Variants in PIP5K1C observed in about 807,000 individuals in gnomAD.
PIP5K1C encodes the protein phosphatidylinositol-4-phosphate 5-kinase type 1 gamma.
In PIP5K1C, 45 loss-of-function variants were observed where a neutral mutation model predicts 80.1. The ratio of observed to expected loss-of-function variants is 0.56; its 90% CI spans 0.44 to 0.72. PIP5K1C has a LOEUF of 0.72. PIP5K1C is among the 30% of genes least tolerant of loss of function. The pLI, the probability that PIP5K1C is intolerant of heterozygous loss-of-function variation, is 0.00. For missense variants in PIP5K1C, 753 were observed against 954.6 expected (o/e 0.79, Z 2.78); for synonymous variants, 498 against 420.1 (o/e 1.19, Z -2.27).
intron 1 of PIP5K1C, among the ~76,000 whole-genome samples, chr19:3,674,869 A>C (rs949243331): frequency 1.3e-5 from 2 of 152,222 alleles, no homozygotes; most frequent in African/African-American, 4.8e-5. Flanking sequence ...TGGACTTCTT[A>C]CATTCAAAGA....
At chr19:3,653,655 C>A (rs2034527879) in intron 6 of PIP5K1C, 66 bp from the exon 7 acceptor site, 2 of 1,461,784 alleles carry the variant, frequency 1.4e-6, no homozygotes, top group South Asian at 1.3e-5. Flanking sequence ...GCGGGCAAAG[C>A]AGGCCTCTGC....
intron 16 of PIP5K1C, chr19:3,636,938 G>A (rs772786920): frequency 6.3e-5 from 64 of 1,010,926 alleles, no homozygotes; most frequent in Non-Finnish European, 7.3e-5. Context: ...GGCGTCCCAG[G>A]GGGACCTCCT....
chr19:3,656,516 C>A lies in PIP5K1C; in HGVS notation c.510G>T (p.Pro170=). ...CGTAGAAGAGGGAGCCACTGGCGCC[C>A]GGGTTGGACAGCTCGATCAGCGGCT... ...CNEPLIELSN[P]GASGSLFYVT... Residue 170 remains proline (P), a synonymous_variant, in exon 6 of 18, where the codon CCG becomes CCT. Transcript: ENST00000335312. 6.2e-7 allele frequency: 1 copy of A among 1,613,866 alleles called. No individual in the cohort carries two copies. The highest frequency in any genetic ancestry group is 8.5e-7 in the Non-Finnish European group (1 of 1,180,022).
At chr19:3,662,791 C>T (rs1354211761) in intron 3 of PIP5K1C, among the ~76,000 whole-genome samples, 1 of 152,062 alleles carries the variant, frequency 6.6e-6, no homozygotes, top group Non-Finnish European at 1.5e-5. Flanking sequence ...GTCTCGAACT[C>T]CTGACCTCAG....
At chr19:3,636,567 C>T in intron 16 of PIP5K1C, 1 of 985,586 alleles carries the variant, frequency 1.0e-6, no homozygotes, top group Middle Eastern at 5.2e-4. Flanking sequence ...GCTCCTCCTC[C>T]CAGCAGGCCC....
intron 2 of PIP5K1C, among the ~76,000 whole-genome samples, chr19:3,666,759 GCA>G (rs899989612): frequency 1.3e-5 from 2 of 150,158 alleles, no homozygotes; most frequent in Non-Finnish European, 3.0e-5. Flanking sequence ...ACACAAACGT[GCA>G]CACACGCACG....
intron 1 of PIP5K1C, among the ~76,000 whole-genome samples, chr19:3,685,187 G>C (rs1600081213): frequency 1.3e-5 from 2 of 152,182 alleles, no homozygotes; most frequent in African/African-American, 4.8e-5. Context: ...TGGGGACTCA[G>C]GGGGTCCTCA....
At chr19:3,675,939 CCT>C (rs1344583703) in intron 1 of PIP5K1C, among the ~76,000 whole-genome samples, 4 of 152,192 alleles carry the variant, frequency 2.6e-5, no homozygotes, top group Admixed American at 6.5e-5. Context: ...TTCAGTAGCC[CCT>C]GAGGTTAAAC....
intron 1 of PIP5K1C, among the ~76,000 whole-genome samples, chr19:3,684,785 C>T (rs548271014): frequency 3.4e-4 from 52 of 152,328 alleles, no homozygotes; most frequent in African/African-American, 1.3e-3. Context: ...AGCAAAGCCC[C>T]GGGCGGCTCT....
In PIP5K1C at chr19:3,648,680, G is replaced by A. The variant is rs2034334206; in HGVS notation, c.1156C>T (p.Arg386Cys). 2.5e-6 allele frequency: 4 copies of A among 1,612,998 alleles called. No homozygotes were observed. The highest frequency in any genetic ancestry group is 2.2e-5 in the South Asian group (2 of 91,082). The change falls in exon 9 of 18, where the codon CGC becomes TGC. Residue 386 changes from arginine (R) to cysteine (C), a missense_variant. Physicochemically the swap from Arg to Cys is radical, Grantham distance 180. Transcript: ENST00000335312. The surrounding 1 kb of genome is among the most constrained non-coding windows in gnomAD (Gnocchi z 4.3). ...ATGTGCAGCAGCAGCCGCTCCCCGCGGCCGTTCACAGCGGGGATCCCGCCC... is the reference window on the plus strand; with the variant it reads ...ATGTGCAGCAGCAGCCGCTCCCCGCAGCCGTTCACAGCGGGGATCCCGCCC... ...TMGGIPAVNG[R>C]GERLLLHIGI...
chr19:3,653,480 C>T lies in PIP5K1C; in HGVS notation c.731G>A (p.Arg244His), dbSNP rs891029085. ...RVVVMNNILP[R>H]VVKMHLKFDL... ...GAACTTGAGGTGCATCTTGACCACG[C>T]GGGGCAGGATGTTGTTCATGACCAC... Residue 244 changes from arginine to histidine, a missense_variant, in exon 7 of 18, where the codon CGC (arginine) becomes CAC (histidine). Transcript: ENST00000335312. 15 of 1,613,690 alleles carry T rather than the reference C, an allele frequency of 9.3e-6. No individual in the cohort carries two copies. The highest frequency in any genetic ancestry group is 2.7e-5 in the African/African-American group (2 of 74,930).
chr19:3,662,084 C>G (rs1479365992), intron 3 of PIP5K1C, 83 bp from the exon 4 acceptor site: 16 of 1,489,636 alleles, frequency 1.1e-5, no homozygotes, highest in Non-Finnish European at 1.4e-5. Flanking sequence ...GGGTGGAGAT[C>G]GTGACCAGCT....
In PIP5K1C at chr19:3,656,407, T is replaced by C. The variant is rs772193928; in HGVS notation, c.619A>G (p.Met207Val). Residue 207 changes from methionine (M) to valine (V), a missense_variant and splice_region_variant, in exon 6 of 18, where the codon ATG (methionine) becomes GTG (valine). Coordinates refer to ENST00000335312, the MANE Select transcript of PIP5K1C (RefSeq NM_012398.3). ...FLQKLLPGYY[M>V]NLNQNPRTLL... ...GCCCCGCAGGGCGGGCCACGCACCATGTAGTAGCCAGGGAGCAGCTTCTGC... is the reference window on the plus strand; with the variant it reads ...GCCCCGCAGGGCGGGCCACGCACCACGTAGTAGCCAGGGAGCAGCTTCTGC... The C allele has an allele frequency of 1.9e-6, 3 of 1,613,154 alleles. No homozygotes were observed. The highest frequency in any genetic ancestry group is 1.3e-5 in the African/African-American group (1 of 74,942).
rs2035046946 is a variant in PIP5K1C, at chr19:3,667,369, G to A, written c.95-16C>T. 3.1e-6 allele frequency: 5 copies of A among 1,612,768 alleles called. No individual in the cohort carries two copies. The highest frequency in any genetic ancestry group is 1.1e-5 in the South Asian group (1 of 91,088). On this transcript the variant is annotated splice_polypyrimidine_tract_variant and intron_variant, in intron 1 of 17. Coordinates refer to ENST00000335312, the MANE Select transcript of PIP5K1C (RefSeq NM_012398.3). ...TGAGCCAAACCTGCAGAAGAGACAA[G>A]CTGGGTATCAGACAGGAAACCGGTG...
intron 1 of PIP5K1C, among the ~76,000 whole-genome samples, chr19:3,670,729 G>A (rs1056852051): frequency 6.6e-6 from 1 of 152,172 alleles, no homozygotes; most frequent in African/African-American, 2.4e-5. Context: ...TCCTCCCCTC[G>A]GGCCACCTGG....
chr19:3,635,959 G>A (rs1219940556), intron 16 of PIP5K1C, among the ~76,000 whole-genome samples: 3 of 152,036 alleles, frequency 2.0e-5, no homozygotes, highest in East Asian at 3.9e-4. Flanking sequence ...CAGCCTGGGC[G>A]ACAGAACGAG....
intron 1 of PIP5K1C, among the ~76,000 whole-genome samples, chr19:3,699,249 T>C (rs985206209): frequency 2.7e-5 from 4 of 146,388 alleles, no homozygotes; most frequent in African/African-American, 1.0e-4. Context: ...GCGAGGCCAC[T>C]GGCTCTGGGG....
rs111541439 is a variant in PIP5K1C at position 3,664,947 on chromosome 19, T to C, written c.127-33A>G. 125 of 1,524,178 alleles carry C rather than the reference T, an allele frequency of 8.2e-5. 1 individual carries two copies. The African/African-American group carries it at 1.5e-3, about 18-fold the overall frequency. 94.4% of individuals were successfully genotyped at this position (1,524,178 alleles called of 1,614,324 possible). On this transcript the variant is annotated intron_variant, in intron 2 of 17. Transcript: ENST00000335312. The stretch of plus-strand genomic sequence containing the variant: ...GAGGAAGCAGGAAGCGTTAACTCCC[T>C]AAGGAGCACGCCCACCGGGACAGGG...
intron 16 of PIP5K1C, chr19:3,636,482 C>A (rs573609408): frequency 1.8e-5 from 18 of 985,450 alleles, no homozygotes; most frequent in Admixed American, 6.1e-5. Flanking sequence ...CAAGCACCCC[C>A]CTCCGTAGGC....
Sources: gnomAD v4.1 joint callset for allele counts (sites outside exome capture counted in the v4.1 genomes callset) on GRCh38, gnomAD v4.1.1 for gene constraint, Gnocchi (gnomAD v3.1) non-coding constraint, MANE v1.5 for transcripts, NCBI Gene and HGNC (gene_info 2026-07-23, HGNC 2026-07-21) for gene names.